GAPVD1: variants seen among roughly 807,000 people sequenced by gnomAD.
GAPVD1 encodes GTPase activating protein and VPS9 domains 1, also known as GTPase-activating protein and VPS9 domain-containing protein 1.
In GAPVD1, 35 loss-of-function variants were observed where a neutral mutation model predicts 155.5. The ratio of observed to expected loss-of-function variants is 0.23; its 90% confidence interval spans 0.17 to 0.30. The LOEUF is 0.30. Ranked by LOEUF, GAPVD1 falls within the 10% of genes least tolerant of loss-of-function variation. The probability of loss-of-function intolerance (pLI) is 1.00; values close to 1 mark genes in which losing one functional copy is unlikely to be tolerated. For missense variants in GAPVD1, 1,429 were observed against 1,775.7 expected (o/e 0.80, Z 3.51); for synonymous variants, 636 against 619.7 (o/e 1.03, Z -0.39).
At position 125,348,422 on chromosome 9, in the gene GAPVD1, T is replaced by C. The variant is rs543016392; in HGVS notation, c.3170-968T>C. On this transcript the variant is annotated intron_variant, in intron 20 of 27. Coordinates refer to ENST00000297933, the MANE Select transcript of GAPVD1 (RefSeq NM_001282680.3). ...GTTGCCCAGGCTGGTCTTGAAATCC[T>C]GAGCTCAAGCGATCTTCCTGCCTCA... Among the ~76,000 whole-genome samples, 337 of 152,342 alleles carry C rather than the reference T, an allele frequency of 2.2e-3. 1 individual carries two copies. Among genetic ancestry groups the C allele is most frequent in the Non-Finnish European group, 4.1e-3 (280 of 68,036 alleles).
At chr9:125,336,519 G>A (rs1175164194) in intron 15 of GAPVD1, among the ~76,000 whole-genome samples, 2 of 152,048 alleles carry the variant, frequency 1.3e-5, no homozygotes, top group African/African-American at 4.8e-5. Context: ...TTTAGTTCTT[G>A]TAAATTTTTG....
At chr9:125,265,921 T>G (rs1294578201) in intron 1 of GAPVD1, among the ~76,000 whole-genome samples, 19 of 144,098 alleles carry the variant, frequency 1.3e-4, no homozygotes, top group Non-Finnish European at 2.7e-4. Context: ...AAGAAAAAAT[T>G]TATAAAAAAA....
intron 5 of GAPVD1, among the ~76,000 whole-genome samples, chr9:125,304,492 A>T (rs944181126): frequency 6.6e-6 from 1 of 152,200 alleles, no homozygotes; most frequent in Admixed American, 6.6e-5. Context: ...TGTCCCAGAT[A>T]TTAAGAAGAG....
At chr9:125,362,263 C>T (rs1388920943) in intron 27 of GAPVD1, among the ~76,000 whole-genome samples, 1 of 152,060 alleles carries the variant, frequency 6.6e-6, no homozygotes, top group African/African-American at 2.4e-5. Flanking sequence ...CTCAATTTGC[C>T]TACAGCATTT....
Position 125,331,920 on chromosome 9 carries a change from A to G in GAPVD1, c.2174-6A>G, listed in dbSNP as rs557262932. 13 of 1,613,694 alleles carry G rather than the reference A, an allele frequency of 8.1e-6. No individual in the cohort carries two copies. In the South Asian group the frequency reaches 1.4e-4, roughly 18 times the overall value. ...AAATGTAACATACCTCTTATCTTCT[A>G]TTTAGAGGCCCCAGACCTAAAGCAG... On this transcript the variant is annotated splice_region_variant and splice_polypyrimidine_tract_variant and intron_variant, in intron 13 of 27. Transcript: ENST00000297933.
chr9:125,277,775 T>G (rs1836029717), intron 2 of GAPVD1, among the ~76,000 whole-genome samples: 1 of 151,372 alleles, frequency 6.6e-6, no homozygotes, highest in Non-Finnish European at 1.5e-5. Context: ...GCTCAAGCAG[T>G]CCTCCTACCT....
At chr9:125,269,497 GT>G (rs574380182) in intron 2 of GAPVD1, among the ~76,000 whole-genome samples, 24 of 146,466 alleles carry the variant, frequency 1.6e-4, no homozygotes, top group South Asian at 8.7e-4. Context: ...TTTTGTTCTT[GT>G]TTTTTTTTTG....
intron 1 of GAPVD1, chr9:125,263,500 AT>A: frequency 1.4e-6 from 1 of 734,614 alleles, no homozygotes; most frequent in Non-Finnish European, 2.3e-6. Context: ...GGTTTTTTGG[AT>A]TTATAAGTCT....
rs765378291 is a variant in GAPVD1 at position 125,326,531 on chromosome 9, C to T, written c.1974C>T (p.Asp658=). 19 of 1,611,904 alleles carry T rather than the reference C, an allele frequency of 1.2e-5. No individual in the cohort carries two copies. The highest frequency in any genetic ancestry group is 1.0e-4 in the Admixed American group (6 of 60,000). The change falls in exon 12 of 28, where the codon GAC becomes GAT. Residue 658 remains aspartate (D), a synonymous_variant. Coordinates refer to ENST00000297933, the MANE Select transcript of GAPVD1 (RefSeq NM_001282680.3). ...CAGTGAGTGAGACCTGGAGTACAGA[C>T]GTCTTGGGAAGTGACTTTGACCCTA... ...SETVSETWST[D]VLGSDFDPNI...
Position 125,307,754 on chromosome 9 carries a change from A to G in GAPVD1, c.1315A>G (p.Asn439Asp). The change falls in exon 8 of 28, where the codon AAT (asparagine) becomes GAT (aspartate). Residue 439 changes from asparagine (N) to aspartate (D), a missense_variant. Physicochemically the swap from Asn to Asp is conservative, Grantham distance 23 (BLOSUM62 1). Around this residue, in one of 4 missense-constraint regions of GAPVD1, gnomAD observed 628 missense variants for 733.4 expected, o/e 0.86. Transcript: ENST00000297933. ...QLREDRMALD[N>D]LLANLPPAKP... ...GAGAGAAGATAGAATGGCTCTTGAC[A>G]ATTTATTGGCAAACCTACCCCCGGC... is the stretch of plus-strand genomic sequence containing the variant. The G allele has an allele frequency of 6.2e-7, 1 of 1,614,064 alleles. No homozygotes were observed.
rs185366935 is a variant in GAPVD1 at position 125,334,340 on chromosome 9, A to C, written c.2428+1711A>C. Among the ~76,000 whole-genome samples, 8 of 152,140 alleles carry C rather than the reference A, an allele frequency of 5.3e-5. No homozygotes were observed. The East Asian group carries it at 1.5e-3, about 29-fold the overall frequency. On this transcript the variant is annotated intron_variant, in intron 15 of 27. Transcript: ENST00000297933. ...ATGAAGGAATAAAAATTACTTAATC[A>C]CATCTCAACCCTTGAGTATACACCT...
intron 8 of GAPVD1, among the ~76,000 whole-genome samples, chr9:125,312,148 CTTAAA>C (rs1254227451): frequency 1.3e-5 from 2 of 152,114 alleles, no homozygotes; most frequent in African/African-American, 4.8e-5. Context: ...CACTCCAAGT[CTTAAA>C]TTTATTGTGA....
At chr9:125,308,279 G>C (rs1018330299) in intron 8 of GAPVD1, 2 of 205,888 alleles carry the variant, frequency 9.7e-6, no homozygotes, top group South Asian at 2.2e-4. Flanking sequence ...CTGGGAGGTC[G>C]AGGCTGCAGT....
intron 1 of GAPVD1, among the ~76,000 whole-genome samples, chr9:125,265,283 T>C (rs2063664902): frequency 6.6e-6 from 1 of 152,112 alleles, no homozygotes; most frequent in African/African-American, 2.4e-5. Context: ...CCTTCTTTTT[T>C]TTTGAAACAA....
intron 9 of GAPVD1, among the ~76,000 whole-genome samples, chr9:125,318,437 GGCT>G (rs1256616746): frequency 6.6e-6 from 1 of 152,144 alleles, no homozygotes; most frequent in African/African-American, 2.4e-5. Context: ...TTTGTACAGT[GGCT>G]TTCTGTATGG....
intron 20 of GAPVD1, among the ~76,000 whole-genome samples, chr9:125,347,396 A>G (rs2132278175): frequency 6.6e-6 from 1 of 152,322 alleles, no homozygotes; most frequent in South Asian, 2.1e-4. Context: ...AATGAGATAT[A>G]GTCCCCAAGA....
chr9:125,323,063 A>G (rs1844599039), intron 10 of GAPVD1, among the ~76,000 whole-genome samples: 1 of 151,570 alleles, frequency 6.6e-6, no homozygotes, highest in Non-Finnish European at 1.5e-5. Flanking sequence ...AAAAAAAAAA[A>G]AAAAAAGAAG....
At chr9:125,326,376 G>A in intron 11 of GAPVD1, 40 bp from the exon 12 acceptor site, 1 of 1,357,770 alleles carries the variant, frequency 7.4e-7, no homozygotes, top group Non-Finnish European at 1.0e-6. Flanking sequence ...AGTCATAGCT[G>A]TGCTACTATT....
chr9:125,301,696 C>T (rs1403588059), intron 4 of GAPVD1, among the ~76,000 whole-genome samples: 4 of 152,120 alleles, frequency 2.6e-5, no homozygotes, highest in African/African-American at 4.8e-5. Context: ...GTGATTTGCC[C>T]GCCTCGGCCT....
Sources: gnomAD v4.1 joint callset for allele counts (sites outside exome capture counted in the v4.1 genomes callset) on GRCh38, gnomAD v4.1.1 for gene constraint, gnomAD v4.1.1 regional missense constraint, MANE v1.5 for transcripts, NCBI Gene and HGNC (gene_info 2026-07-23, HGNC 2026-07-21) for gene names.